Variants in RAET1L observed in about 807,000 individuals in gnomAD.
RAET1L encodes retinoic acid early transcript 1L, also known as UL16-binding protein 6.
RAET1L carries 16 observed loss-of-function variants against 23.9 expected under a neutral mutation model. The ratio of observed to expected loss-of-function variants is 0.67; its 90% CI spans 0.45 to 1.02. RAET1L has a LOEUF of 1.02. RAET1L is among the 50% of genes least tolerant of loss of function. RAET1L has a pLI of 0.00. For synonymous variants in RAET1L, 70 were observed against 111.2 expected, an observed-to-expected ratio of 0.63 and a Z score of 2.33; for missense variants, 233 against 304.0, an observed-to-expected ratio of 0.77 and a Z score of 1.74.
chr6:150,024,118 T>C (rs1253571595), intron 1 of RAET1L, among the ~76,000 whole-genome samples: 3 of 152,082 alleles, frequency 2.0e-5, no homozygotes, highest in African/African-American at 7.2e-5. Flanking sequence ...CACCTGAGGC[T>C]TCAGGGAGGG....
rs369430003 is a variant in RAET1L at position 150,021,103 on chromosome 6, C to A, written c.433G>T (p.Gly145Ter). Residue 145 changes from glycine to a stop codon, truncating the protein, a stop_gained, in exon 3 of 5, where the codon GGA (glycine) becomes TGA (stop). Coordinates refer to ENST00000367341, the MANE Select transcript of RAET1L (RefSeq NM_130900.3). LOFTEE classifies it high-confidence loss of function. ...SSGSWQFSIDGQTFLLFDSEK... is the reference protein window; with the variant it reads ...SSGSWQFSID ...GAGTCAAAGAGTAGGAAGGTCTGTC[C>A]ATCGATACTGAACTGCCAAGATCCA... 1.9e-6 allele frequency: 3 copies of A among 1,614,114 alleles called. No individual in the cohort carries two copies. Among genetic ancestry groups the A allele is most frequent in the Non-Finnish European group, 2.5e-6 (3 of 1,180,034 alleles).
At chr6:150,022,273 G>A in intron 1 of RAET1L, 30 bp from the exon 2 acceptor site, 2 of 1,456,918 alleles carry the variant, frequency 1.4e-6, no homozygotes, top group Non-Finnish European at 1.9e-6. Flanking sequence ...AGGGGTGGGT[G>A]GGGAGGAAAA....
intron 1 of RAET1L, among the ~76,000 whole-genome samples, chr6:150,023,424 A>T (rs1779910277): frequency 6.6e-6 from 1 of 151,952 alleles, no homozygotes; most frequent in Non-Finnish European, 1.5e-5. Context: ...AGAAGACACC[A>T]GTTTCTAGTG....
intron 3 of RAET1L, among the ~76,000 whole-genome samples, chr6:150,020,606 A>T (rs1411107661): frequency 6.6e-6 from 1 of 152,194 alleles, no homozygotes; most frequent in Non-Finnish European, 1.5e-5. Context: ...TTCTCAAAAG[A>T]GGAAACACTA....
At chr6:150,020,877 A>T (rs1452009520) in intron 3 of RAET1L, 28 bp downstream of exon 3, 1 of 1,611,048 alleles carries the variant, frequency 6.2e-7, no homozygotes, top group Non-Finnish European at 8.5e-7. Flanking sequence ...ATCTCATTTA[A>T]GATCCCCGTT....
Position 150,021,096 on chromosome 6 carries a change from G to A in RAET1L, c.440C>T (p.Thr147Ile), listed in dbSNP as rs61730071. The change falls in exon 3 of 5, where the codon ACC becomes ATC. Residue 147 changes from threonine to isoleucine, a missense_variant. Physicochemically the swap from Thr to Ile is moderately conservative, Grantham distance 89. Transcript: ENST00000367341. Reference protein sequence around the residue: ...GSWQFSIDGQTFLLFDSEKRM... With the variant: ...GSWQFSIDGQIFLLFDSEKRM... ...CTTCTCTGAGTCAAAGAGTAGGAAGGTCTGTCCATCGATACTGAACTGCCA... is the reference window on the plus strand; with the variant it reads ...CTTCTCTGAGTCAAAGAGTAGGAAGATCTGTCCATCGATACTGAACTGCCA... 682,636 of 1,613,798 alleles carry A rather than the reference G, an allele frequency of 0.42. 147,803 individuals carry two copies. Among genetic ancestry groups the A allele is most frequent in the Non-Finnish European group, 0.45 (530,411 of 1,179,944 alleles).
At chr6:150,023,134 C>T in intron 1 of RAET1L, among the ~76,000 whole-genome samples, 1 of 145,260 alleles carries the variant, frequency 6.9e-6, no homozygotes, top group East Asian at 2.0e-4. Context: ...TGTCAACTGT[C>T]AGGAGCAAGG....
Position 150,025,388 on chromosome 6 carries a change from G to C in RAET1L, c.84C>G (p.Asp28Glu), listed in dbSNP as rs142930646. Residue 28 changes from aspartate to glutamate, a missense_variant and splice_region_variant, in exon 1 of 5, where the codon GAC becomes GAG. This residue lies in a region of RAET1L where 42 missense variants were observed against 35.0 expected (regional missense o/e 1.20). Transcript: ENST00000367341. Reference protein sequence around the residue: ...LLFGWSRARRDDPHSLCYDIT... With the variant: ...LLFGWSRARREDPHSLCYDIT... ...CTTAGGCTCCATCCACCAGCTCACC[G>C]TCTCGCCTAGCCCGGGACCAGCCGA... is the stretch of plus-strand genomic sequence containing the variant. 6.2e-7 allele frequency: 1 copy of C among 1,613,188 alleles called. No homozygotes were observed. Among genetic ancestry groups the C allele is most frequent in the East Asian group, 2.2e-5 (1 of 44,842 alleles).
chr6:150,019,292 A>C (rs1189839519), intron 4 of RAET1L, among the ~76,000 whole-genome samples: 1 of 152,180 alleles, frequency 6.6e-6, no homozygotes, highest in Non-Finnish European at 1.5e-5. Flanking sequence ...CACTGGGAGC[A>C]GCACCCATAG....
chr6:150,018,961 GGGACCTATTTTT>G (rs1342186077), intron 4 of RAET1L, 106 bp from the exon 5 acceptor site: 1 of 200,566 alleles, frequency 5.0e-6, no homozygotes, highest in African/African-American at 2.4e-5. Flanking sequence ...CCTGCACTAA[GGGACCTATTTTT>G]CCCTTGAGCC....
chr6:150,020,822 T>C, intron 3 of RAET1L, 83 bp downstream of exon 3: 3 of 1,577,740 alleles, frequency 1.9e-6, no homozygotes, highest in South Asian at 1.2e-5. Context: ...ACTGGGATGA[T>C]TGAAGCTGAA....
intron 3 of RAET1L, 111 bp from the exon 4 acceptor site, chr6:150,020,350 C>T: frequency 6.3e-6 from 10 of 1,594,244 alleles, no homozygotes; most frequent in Non-Finnish European, 7.7e-6. Context: ...GTTTTGTCCC[C>T]TCCCCCCTGG....
At chr6:150,020,329 G>A (rs549931887) in intron 3 of RAET1L, 90 bp from the exon 4 acceptor site, 2 of 1,583,258 alleles carry the variant, frequency 1.3e-6, no homozygotes, top group East Asian at 2.3e-5. Flanking sequence ...AGGTCATCCT[G>A]GAAGGCAAAA....
chr6:150,023,908 C>G (rs35710675), intron 1 of RAET1L, among the ~76,000 whole-genome samples: 6,287 of 152,070 alleles, frequency 0.041, 390 homozygotes, highest in East Asian at 0.29. Flanking sequence ...GATGCCTATT[C>G]CTGAAGGCCT....
intron 3 of RAET1L, among the ~76,000 whole-genome samples, 187 bp from the exon 4 acceptor site, chr6:150,020,426 G>A (rs547834845): frequency 6.6e-6 from 1 of 152,206 alleles, no homozygotes; most frequent in South Asian, 2.1e-4. Flanking sequence ...TGTCCTCAGG[G>A]AGCTCACACA....
At chr6:150,020,717 G>A (rs148910730) in intron 3 of RAET1L, among the ~76,000 whole-genome samples, 188 bp downstream of exon 3, 12 of 152,264 alleles carry the variant, frequency 7.9e-5, no homozygotes, top group African/African-American at 2.2e-4. Flanking sequence ...TAGGAGTCAG[G>A]AGGGAGAAGG....
At position 150,025,455 on chromosome 6, in the gene RAET1L, A is replaced by G; in HGVS notation, c.17T>C (p.Ile6Thr). 6.2e-7 allele frequency: 1 copy of G among 1,614,032 alleles called. No homozygotes were observed. Among genetic ancestry groups the G allele is most frequent in the Non-Finnish European group, 8.5e-7 (1 of 1,179,878 alleles). The change falls in exon 1 of 5, where the codon ATC becomes ACC. Residue 6 changes from isoleucine to threonine, a missense_variant. By Grantham distance (89) the Ile-to-Thr change is moderately conservative (BLOSUM62 -1). This residue lies in a region of RAET1L where 42 missense variants were observed against 35.0 expected (regional missense o/e 1.20). Transcript: ENST00000367341. ...CGGGAGGCACAGAAGCAAAGCTGGG[A>G]TGGCGGCTGCTGCCATTGGGGACCA... MAAAA[I>T]PALLLCLPLL...
At chr6:150,024,874 G>A (rs1222530120) in intron 1 of RAET1L, among the ~76,000 whole-genome samples, 2 of 152,158 alleles carry the variant, frequency 1.3e-5, no homozygotes, top group Non-Finnish European at 2.9e-5. Flanking sequence ...GCCCCTGGGT[G>A]CAGGTGAGTG....
rs1265733671 is a variant in RAET1L at position 150,018,506 on chromosome 6, C to T, written c.*372G>A. The T allele has an allele frequency of 6.6e-6, 1 of 152,168 alleles. No homozygotes were observed. The highest frequency in any genetic ancestry group is 2.4e-5 in the African/African-American group (1 of 41,434). The allele number at this position is 152,168 out of a possible 1,614,324, so 9.4% of individuals were successfully genotyped here. On this transcript the variant is annotated 3_prime_UTR_variant, in exon 5 of 5. Coordinates refer to ENST00000367341, the MANE Select transcript of RAET1L (RefSeq NM_130900.3). Reference sequence around the variant, plus strand: ...CTAACATGATTGTTTTACTGACAATCATGTCAGTAATGAAAGAAAGAAATC... The same window carrying T: ...CTAACATGATTGTTTTACTGACAATTATGTCAGTAATGAAAGAAAGAAATC...
Sources: gnomAD v4.1 joint callset for allele counts (sites outside exome capture counted in the v4.1 genomes callset) on GRCh38, gnomAD v4.1.1 for gene constraint, gnomAD v4.1.1 regional missense constraint, MANE v1.5 for transcripts, NCBI Gene and HGNC (gene_info 2026-07-23, HGNC 2026-07-21) for gene names.